The following MIDEAS variants were observed in gnomAD, a reference collection of about 807,000 sequenced individuals.
MIDEAS encodes mitotic deacetylase associated SANT domain protein.
MIDEAS carries 26 observed loss-of-function variants against 102.7 expected under a neutral mutation model. The observed-to-expected ratio is 0.25, with a 90% CI of 0.19 to 0.35. The LOEUF (loss-of-function observed/expected upper bound fraction) is 0.35. MIDEAS is among the 10% of genes least tolerant of loss of function. The pLI is 1.00. For missense variants in MIDEAS, 1,231 were observed against 1,435.6 expected (o/e 0.86, Z 2.30); for synonymous variants, 585 against 591.0 (o/e 0.99, Z 0.15).
At chr14:73,781,894 TA>T (rs922074700) in intron 1 of MIDEAS, among the ~76,000 whole-genome samples, 1 of 152,040 alleles carries the variant, frequency 6.6e-6, no homozygotes, top group African/African-American at 2.4e-5. Flanking sequence ...TTGTCTTTAC[TA>T]AAAACACAAA....
chr14:73,746,228 T>G (rs1043587441), intron 1 of MIDEAS, among the ~76,000 whole-genome samples: 2 of 152,160 alleles, frequency 1.3e-5, no homozygotes, highest in Admixed American at 1.3e-4. Flanking sequence ...CATGGGAAGC[T>G]GGGATAGCCA....
At chr14:73,721,938 T>TCA (rs1279128242) in intron 10 of MIDEAS, among the ~76,000 whole-genome samples, 1 of 152,214 alleles carries the variant, frequency 6.6e-6, no homozygotes, top group East Asian at 1.9e-4. Flanking sequence ...CCGTAGCATG[T>TCA]CACCAAGCGT....
At chr14:73,789,011 T>G (rs1376727632), upstream of MIDEAS, 1 of 152,140 alleles carries the variant, frequency 6.6e-6, no homozygotes, top group Non-Finnish European at 1.5e-5. Flanking sequence ...ATACATTGCT[T>G]TTTTCTCTAT....
intron 9 of MIDEAS, chr14:73,723,609 G>A (rs1259369871): frequency 1.3e-5 from 2 of 152,234 alleles, no homozygotes; most frequent in Non-Finnish European, 2.9e-5. Context: ...GAGAACAAGA[G>A]AGAGCTGTAT....
intron 7 of MIDEAS, 74 bp downstream of exon 7, chr14:73,726,530 G>A: frequency 7.1e-7 from 1 of 1,410,650 alleles, no homozygotes; most frequent in African/African-American, 1.4e-5. Flanking sequence ...GCAGCCATAG[G>A]TCCTGAGCAG....
chr14:73,722,589 CA>C (rs1291893291), intron 10 of MIDEAS, 108 bp downstream of exon 10: 1 of 1,371,932 alleles, frequency 7.3e-7, no homozygotes, highest in East Asian at 2.3e-5. Flanking sequence ...CTGTCTTCCT[CA>C]ACCTGCCCTC....
In MIDEAS at chr14:73,725,621, A is replaced by G. The variant is rs142235211; in HGVS notation, c.2486-261T>C. Among the ~76,000 whole-genome samples, 5 of 152,372 alleles carry G rather than the reference A, an allele frequency of 3.3e-5. No individual in the cohort carries two copies. The highest frequency in any genetic ancestry group is 4.4e-5 in the Non-Finnish European group (3 of 68,044). On this transcript the variant is annotated intron_variant, in intron 8 of 12. Coordinates refer to ENST00000423556, the MANE Select transcript of MIDEAS (RefSeq NM_001367710.1). This position sits in a 1 kb window ranked among gnomAD's most constrained non-coding sequence, Gnocchi z 4.1. ...AAACCCTTGGTGCTCTGCCTGGTGC[A>G]GATGAAATGTAGCACTAACATGCAT...
chr14:73,741,661 G>A (rs565842198), intron 1 of MIDEAS, among the ~76,000 whole-genome samples: 8 of 150,816 alleles, frequency 5.3e-5, no homozygotes, highest in South Asian at 4.2e-4. Flanking sequence ...GCAGGCTTCC[G>A]CAGCTCCCCA....
intron 1 of MIDEAS, among the ~76,000 whole-genome samples, chr14:73,771,317 G>A (rs981170945): frequency 6.6e-6 from 1 of 152,164 alleles, no homozygotes; most frequent in South Asian, 2.1e-4. Context: ...CCCTCCACAC[G>A]CATTCTGTCG....
chr14:73,776,046 C>A (rs2053685332), intron 1 of MIDEAS, among the ~76,000 whole-genome samples: 1 of 151,988 alleles, frequency 6.6e-6, no homozygotes, highest in Non-Finnish European at 1.5e-5. Flanking sequence ...AGAACTCCAA[C>A]TTCTAGTCTG....
At chr14:73,727,120 A>C (rs993998794) in intron 5 of MIDEAS, 148 bp from the exon 6 acceptor site, 2 of 1,021,314 alleles carry the variant, frequency 2.0e-6, no homozygotes, top group Non-Finnish European at 2.8e-6. Flanking sequence ...GGGGCTTGGG[A>C]GGACAGCCTG....
At chr14:73,762,474 A>G (rs575140920), upstream of MIDEAS, among the ~76,000 whole-genome samples, 1 of 152,268 alleles carries the variant, frequency 6.6e-6, no homozygotes, top group East Asian at 1.9e-4. Flanking sequence ...GAAAGGAGAG[A>G]GAAGAAAAGG....
intron 1 of MIDEAS, among the ~76,000 whole-genome samples, chr14:73,756,584 G>C (rs1441208919): frequency 6.6e-6 from 1 of 152,226 alleles, no homozygotes; most frequent in Non-Finnish European, 1.5e-5. Flanking sequence ...CACTGGCTCT[G>C]CTTCCTGCCA....
Position 73,729,952 on chromosome 14 carries a change from G to A in MIDEAS, c.1783C>T (p.Pro595Ser). The change falls in exon 4 of 13, where the codon CCT becomes TCT. Residue 595 changes from proline (P) to serine (S), a missense_variant. Transcript: ENST00000423556. ...CGCTGCTTTGGTTTCCGCACGGAAG[G>A]CTCCCCCTCCAACTTGACATTCATG... is the stretch of plus-strand genomic sequence containing the variant. ...EDMNVKLEGEPSVRKPKQRPR... is the reference protein window; with the variant it reads ...EDMNVKLEGESSVRKPKQRPR... The A allele has an allele frequency of 2.5e-6, 4 of 1,600,928 alleles. No homozygotes were observed. Among genetic ancestry groups the A allele is most frequent in the Non-Finnish European group, 3.4e-6 (4 of 1,170,780 alleles).
chr14:73,756,297 C>T (rs62006081), intron 1 of MIDEAS, among the ~76,000 whole-genome samples: 1,082 of 53,872 alleles, frequency 0.02, 18 homozygotes, highest in African/African-American at 0.077. Context: ...TGTGTGTGTG[C>T]GCGCGCGCGT....
chr14:73,738,962 G>C lies in MIDEAS; in HGVS notation c.1047C>G (p.Leu349=). The C allele has an allele frequency of 6.5e-7, 1 of 1,532,854 alleles. No individual in the cohort carries two copies. The highest frequency in any genetic ancestry group is 1.3e-5 in the South Asian group (1 of 77,100). 95.0% of individuals were successfully genotyped at this position (1,532,854 alleles called of 1,614,324 possible). The change falls in exon 2 of 13, where the codon CTC becomes CTG. Residue 349 remains leucine (L), a synonymous_variant. Coordinates refer to ENST00000423556, the MANE Select transcript of MIDEAS (RefSeq NM_001367710.1). ...QIPFPRRSRR[L]SKEGILPPSA... is the part of the protein sequence containing the mutation. The stretch of plus-strand genomic sequence containing the variant: ...TGGGAGGCAGGATACCCTCCTTAGA[G>C]AGGCGGCGGGAGCGGCGGGGGAAGG...
intron 3 of MIDEAS, among the ~76,000 whole-genome samples, chr14:73,732,479 A>G (rs2053150409): frequency 6.6e-6 from 1 of 152,172 alleles, no homozygotes. Flanking sequence ...AATTTAAGGA[A>G]CTGACACAAT....
At position 73,739,649 on chromosome 14, in the gene MIDEAS, G is replaced by A. The variant is rs538091392; in HGVS notation, c.360C>T (p.Ser120=). 252 of 1,613,908 alleles carry A rather than the reference G, an allele frequency of 1.6e-4. 2 individuals are homozygous for A. The South Asian group carries it at 2.7e-3, about 17-fold the overall frequency. Reference sequence around the variant, plus strand: ...GAGGCTGGCCTGGCTGCTGCTGCCAGCTGCTGTCACTGACACCCCCACCTC... The same window carrying A: ...GAGGCTGGCCTGGCTGCTGCTGCCAACTGCTGTCACTGACACCCCCACCTC... ...RGGGGGVSDS[S]WQQQPGQPPP... is the part of the protein sequence containing the mutation. The change falls in exon 2 of 13, where the codon AGC becomes AGT. Residue 120 remains serine (S), a synonymous_variant. Coordinates refer to ENST00000423556, the MANE Select transcript of MIDEAS (RefSeq NM_001367710.1).
rs59819061 is a variant in MIDEAS, at chr14:73,768,511, CTTT to C, written c.-248+18588_-248+18590del. Among the ~76,000 whole-genome samples, 116 of 138,388 alleles carry C rather than the reference CTTT, an allele frequency of 8.4e-4. No homozygotes were observed. In the East Asian group the frequency reaches 0.01, roughly 12 times the overall value. 90.8% of individuals were successfully genotyped at this position (138,388 alleles called of 152,430 possible). On this transcript the variant is annotated intron_variant, in intron 1 of 11. Transcript: ENST00000394071. ...TTATTTTAACTGAATTTATTGCCAA[CTTT>C]TTTTTTTTTTTTTTTTTTTGAGACA...
Sources: gnomAD v4.1 joint callset for allele counts (sites outside exome capture counted in the v4.1 genomes callset) on GRCh38, gnomAD v4.1.1 for gene constraint, Gnocchi (gnomAD v3.1) non-coding constraint, MANE v1.5 for transcripts, NCBI Gene and HGNC (gene_info 2026-07-23, HGNC 2026-07-21) for gene names.